Variants in CATSPERT observed in about 807,000 individuals in gnomAD.
CATSPERT encodes the protein catsper channel auxiliary subunit tau.
the CATSPERT span, among the ~76,000 whole-genome samples, chr2:201,575,034 C>CAAAAAAAAAAAAAAA: frequency 1.0e-5 from 1 of 97,930 alleles, no homozygotes. Flanking sequence ...CACCATTTAG[C>CAAAAAAAAAAAAAAA]AAAAAAAAAA....
chr2:201,541,076 G>A, the CATSPERT span, among the ~76,000 whole-genome samples: 6 of 152,236 alleles, frequency 3.9e-5, no homozygotes, highest in East Asian at 1.2e-3. Context: ...TAGAAGTGAA[G>A]CCTGAAGATG....
At chr2:201,601,962 C>T in the CATSPERT span, 23 of 1,037,366 alleles carry the variant, frequency 2.2e-5, no homozygotes, top group African/African-American at 4.9e-5. Context: ...ATACATTAAA[C>T]GATTCAGACC....
the CATSPERT span, among the ~76,000 whole-genome samples, chr2:201,573,750 A>T: frequency 6.6e-6 from 1 of 152,046 alleles, no homozygotes; most frequent in African/African-American, 2.4e-5. Flanking sequence ...CCCGCCTCCC[A>T]GGTTCAAGCG....
At chr2:201,604,909 AAGAAG>A in the CATSPERT span, among the ~76,000 whole-genome samples, 453 of 152,266 alleles carry the variant, frequency 3.0e-3, 1 homozygote, top group African/African-American at 0.01. Context: ...AGAATCATGA[AAGAAG>A]AGAAAAGTAC....
At chr2:201,495,914 T>G in the CATSPERT span, 1 of 1,595,252 alleles carries the variant, frequency 6.3e-7, no homozygotes, top group South Asian at 1.1e-5. Context: ...TGGTTTGAAT[T>G]CTATATATTC....
chr2:201,583,486 G>A, the CATSPERT span, among the ~76,000 whole-genome samples: 530 of 152,228 alleles, frequency 3.5e-3, 3 homozygotes, highest in African/African-American at 0.012. Context: ...AAAAAATTTC[G>A]AGCCAGATAC....
chr2:201,490,359 A>G, the CATSPERT span, among the ~76,000 whole-genome samples: 1,045 of 152,370 alleles, frequency 6.9e-3, 5 homozygotes, highest in Non-Finnish European at 8.4e-3. Flanking sequence ...TAACTGAAGC[A>G]AAGATAATTC....
chr2:201,501,133 T>G, the CATSPERT span, among the ~76,000 whole-genome samples: 1 of 151,842 alleles, frequency 6.6e-6, no homozygotes, highest in African/African-American at 2.4e-5. Context: ...GCATGGTGGC[T>G]TATGCCTGTA....
chr2:201,520,937 A>G, the CATSPERT span, among the ~76,000 whole-genome samples: 5 of 152,002 alleles, frequency 3.3e-5, no homozygotes, highest in African/African-American at 1.2e-4. Flanking sequence ...TACCACAGAA[A>G]TAAAAAAAAA....
chr2:201,570,391 C>T, the CATSPERT span, among the ~76,000 whole-genome samples: 3 of 152,052 alleles, frequency 2.0e-5, no homozygotes, highest in Non-Finnish European at 4.4e-5. Flanking sequence ...GTAAAATTTG[C>T]TCACATTTGA....
the CATSPERT span, among the ~76,000 whole-genome samples, chr2:201,521,879 G>A: frequency 7.3e-5 from 11 of 151,664 alleles, no homozygotes; most frequent in East Asian, 3.9e-4. Flanking sequence ...CAGAAAGAAC[G>A]AAAAAAACCA....
the CATSPERT span, among the ~76,000 whole-genome samples, chr2:201,594,026 G>T: frequency 2.6e-4 from 40 of 152,180 alleles, no homozygotes; most frequent in East Asian, 2.3e-3. Flanking sequence ...TCATTATGAT[G>T]TTAGCTGGTT....
At chr2:201,587,258 A>T in the CATSPERT span, among the ~76,000 whole-genome samples, 32 of 151,960 alleles carry the variant, frequency 2.1e-4, 1 homozygote, top group Admixed American at 3.3e-4. Context: ...AATTTTTTTA[A>T]TAGTCTTGTA....
chr2:201,606,334 T>C, the CATSPERT span, among the ~76,000 whole-genome samples: 44 of 152,120 alleles, frequency 2.9e-4, no homozygotes, highest in African/African-American at 1.0e-3. Flanking sequence ...AAGACTGGCA[T>C]CATATTTCTC....
At chr2:201,595,562 T>C in the CATSPERT span, among the ~76,000 whole-genome samples, 144 of 152,124 alleles carry the variant, frequency 9.5e-4, no homozygotes, top group Non-Finnish European at 1.7e-3. Context: ...GAGGTGTCAG[T>C]CTGCCCCTGC....
At chr2:201,490,817 G>A in the CATSPERT span, among the ~76,000 whole-genome samples, 16 of 152,058 alleles carry the variant, frequency 1.1e-4, no homozygotes, top group Non-Finnish European at 2.2e-4. Context: ...TCCGCCTCCC[G>A]GGTTCATGCC....
At chr2:201,497,474 T>G in the CATSPERT span, among the ~76,000 whole-genome samples, 109 of 152,240 alleles carry the variant, frequency 7.2e-4, 1 homozygote, top group Non-Finnish European at 4.1e-4. Flanking sequence ...GAAACATGTA[T>G]GATAAACAAG....
At chr2:201,552,587 TTA>T in the CATSPERT span, among the ~76,000 whole-genome samples, 1 of 152,186 alleles carries the variant, frequency 6.6e-6, no homozygotes, top group African/African-American at 2.4e-5. Context: ...TGCTGACTGT[TTA>T]TGTTATTGGT....
At chr2:201,616,966 A>C in the CATSPERT span, among the ~76,000 whole-genome samples, 1 of 152,206 alleles carries the variant, frequency 6.6e-6, no homozygotes, top group African/African-American at 2.4e-5. Flanking sequence ...CAATTGCTTC[A>C]AAGAGAATAA....
Sources: allele counts gnomAD v4.1 joint callset (sites outside exome capture counted in the v4.1 genomes callset), GRCh38; gene constraint gnomAD v4.1.1; transcripts MANE v1.5; gene names NCBI Gene and HGNC (gene_info 2026-07-23, HGNC 2026-07-21).